TRAPPC12: variants seen among roughly 807,000 people sequenced by gnomAD.
The protein encoded by TRAPPC12 is trafficking protein particle complex subunit 12, also known as TPR repeat protein 15.
TRAPPC12 carries 61 observed loss-of-function variants against 69.2 expected under a neutral mutation model. The ratio of observed to expected loss-of-function variants is 0.88; its 90% CI spans 0.72 to 1.09. The LOEUF (loss-of-function observed/expected upper bound fraction) is 1.09. Ranked by LOEUF, TRAPPC12 falls within the 50% of genes least tolerant of loss-of-function variation. The pLI is 0.00. For synonymous variants in TRAPPC12, 469 were observed against 438.9 expected (o/e 1.07, Z -0.86); for missense variants, 1,101 against 1,016.4 (o/e 1.08, Z -1.13).
At chr2:3,402,287 A>G (rs1257709673) in intron 3 of TRAPPC12, among the ~76,000 whole-genome samples, 1 of 152,162 alleles carries the variant, frequency 6.6e-6, no homozygotes, top group Non-Finnish European at 1.5e-5. Context: ...CATGAATTCT[A>G]TAAGTAGGTT....
chr2:3,387,971 C>T lies in TRAPPC12; in HGVS notation c.348C>T (p.Gly116=), dbSNP rs1246469395. The T allele has an allele frequency of 4.1e-6, 6 of 1,475,946 alleles. No homozygotes were observed. Among genetic ancestry groups the T allele is most frequent in the Admixed American group, 2.5e-5 (1 of 39,760 alleles). 91.4% of individuals were successfully genotyped at this position (1,475,946 alleles called of 1,614,324 possible). A position where few individuals can be genotyped will look rare whatever the true frequency, so the allele number is the denominator to read the frequency against. The change falls in exon 2 of 12, where the codon GGC becomes GGT. Residue 116 remains glycine (G), a synonymous_variant. Transcript: ENST00000324266. ...CGAGTCCCAGCGGCGAGGCCGACGGCGACTGTGCCCCCGAGGACGCGGCAC... is the reference window on the plus strand; with the variant it reads ...CGAGTCCCAGCGGCGAGGCCGACGGTGACTGTGCCCCCGAGGACGCGGCAC... ...GTPSPSGEAD[G]DCAPEDAAPS...
At chr2:3,464,011 G>C (rs1240777896) in intron 8 of TRAPPC12, among the ~76,000 whole-genome samples, 4 of 152,042 alleles carry the variant, frequency 2.6e-5, no homozygotes. Flanking sequence ...GCCAGCCCAG[G>C]GTGTGCAGGC....
chr2:3,410,674 C>T (rs1662007798), intron 3 of TRAPPC12, among the ~76,000 whole-genome samples: 1 of 152,204 alleles, frequency 6.6e-6, no homozygotes, highest in African/African-American at 2.4e-5. Flanking sequence ...ATAATCAGAT[C>T]TTCCCGTTGA....
intron 6 of TRAPPC12, among the ~76,000 whole-genome samples, chr2:3,451,847 A>G (rs1664866707): frequency 6.6e-6 from 1 of 152,226 alleles, no homozygotes; most frequent in Non-Finnish European, 1.5e-5. Flanking sequence ...CAAATTAAAC[A>G]AAACTAACCC....
intron 3 of TRAPPC12, among the ~76,000 whole-genome samples, chr2:3,406,784 T>G (rs1661758255): frequency 6.6e-6 from 1 of 152,206 alleles, no homozygotes; most frequent in Admixed American, 6.5e-5. Context: ...AATAATGGGT[T>G]TAAAAATCAC....
At chr2:3,436,831 T>TC (rs1663818548) in intron 5 of TRAPPC12, among the ~76,000 whole-genome samples, 3 of 82,202 alleles carry the variant, frequency 3.6e-5, no homozygotes, top group African/African-American at 5.0e-5. Context: ...CCAGGATTAA[T>TC]ACCCCATCAC....
intron 8 of TRAPPC12, among the ~76,000 whole-genome samples, chr2:3,464,120 G>A (rs1473060948): frequency 1.3e-5 from 2 of 151,958 alleles, no homozygotes; most frequent in Non-Finnish European, 2.9e-5. Flanking sequence ...CTGTGTGAGG[G>A]AGCTCACACA....
intron 4 of TRAPPC12, among the ~76,000 whole-genome samples, chr2:3,423,491 C>T (rs1662935096): frequency 6.6e-6 from 1 of 152,082 alleles, no homozygotes; most frequent in South Asian, 2.1e-4. Flanking sequence ...CTCAAACCTC[C>T]CCTGCCCGGC....
chr2:3,474,394 G>A (rs1350661541), intron 9 of TRAPPC12, among the ~76,000 whole-genome samples: 3 of 152,122 alleles, frequency 2.0e-5, no homozygotes, highest in Admixed American at 1.3e-4. Context: ...GATTAAGGGC[G>A]GGTCGGCCTC....
At chr2:3,399,950 C>T (rs1661345995) in intron 2 of TRAPPC12, among the ~76,000 whole-genome samples, 1 of 152,166 alleles carries the variant, frequency 6.6e-6, no homozygotes, top group Non-Finnish European at 1.5e-5. Flanking sequence ...GGCCCGCCTG[C>T]AGCATGAGCA....
At chr2:3,434,164 T>A (rs1402217161) in intron 5 of TRAPPC12, among the ~76,000 whole-genome samples, 1 of 152,258 alleles carries the variant, frequency 6.6e-6, no homozygotes, top group Non-Finnish European at 1.5e-5. Flanking sequence ...GTAGTTTCCT[T>A]GAGGACACGG....
intron 5 of TRAPPC12, among the ~76,000 whole-genome samples, chr2:3,430,486 A>G (rs1230514440): frequency 6.6e-6 from 1 of 152,054 alleles, no homozygotes; most frequent in Non-Finnish European, 1.5e-5. Context: ...TTGGTGACTC[A>G]CTCTTTCATA....
rs111319115 is a variant in TRAPPC12, at chr2:3,417,707, C to G, written c.1165-4174C>G. 1.6e-4 allele frequency among the ~76,000 whole-genome samples: 24 copies of G among 152,226 alleles called. 1 individual carries two copies. The East Asian group carries it at 4.6e-3, about 29-fold the overall frequency. ...CATTTACTCATCGAACTTCTTTGTTCTTCTTTCCACGAGAATTAAAACCTT... is the reference window on the plus strand; with the variant it reads ...CATTTACTCATCGAACTTCTTTGTTGTTCTTTCCACGAGAATTAAAACCTT... On this transcript the variant is annotated intron_variant, in intron 3 of 11. Transcript: ENST00000324266.
chr2:3,456,084 G>A (rs4971511), intron 6 of TRAPPC12: 21 of 152,238 alleles, frequency 1.4e-4, no homozygotes, highest in African/African-American at 4.8e-4. Context: ...GAAGAATGTC[G>A]TTTTACCTAG....
chr2:3,399,532 G>A (rs1442228356), intron 2 of TRAPPC12, among the ~76,000 whole-genome samples: 3 of 152,184 alleles, frequency 2.0e-5, no homozygotes, highest in Non-Finnish European at 4.4e-5. Context: ...GAGAAAACGT[G>A]AGGCTGGCCT....
chr2:3,458,239 T>G, intron 7 of TRAPPC12: 1 of 987,810 alleles, frequency 1.0e-6, no homozygotes, highest in Non-Finnish European at 1.2e-6. Context: ...CCATGCCAGC[T>G]GCAGCTCGGG....
chr2:3,428,362 T>C (rs1388512774), intron 5 of TRAPPC12, among the ~76,000 whole-genome samples: 7 of 152,238 alleles, frequency 4.6e-5, no homozygotes, highest in Non-Finnish European at 1.0e-4. Context: ...CATTTTGTGG[T>C]GTAACAAAGC....
At chr2:3,380,214 A>G (rs11891387) in intron 1 of TRAPPC12, among the ~76,000 whole-genome samples, 3 of 151,784 alleles carry the variant, frequency 2.0e-5, no homozygotes, top group Non-Finnish European at 4.4e-5. Context: ...CGAGACCCCC[A>G]GTTCCAGGCT....
At chr2:3,449,214 T>C (rs958304439) in intron 6 of TRAPPC12, 2 of 152,260 alleles carry the variant, frequency 1.3e-5, no homozygotes, top group African/African-American at 4.8e-5. Flanking sequence ...TCGAGAGAGC[T>C]TCACAGACCA....
Sources: gnomAD v4.1 joint callset for allele counts (sites outside exome capture counted in the v4.1 genomes callset) on GRCh38, gnomAD v4.1.1 for gene constraint, MANE v1.5 for transcripts, NCBI Gene and HGNC (gene_info 2026-07-23, HGNC 2026-07-21) for gene names.